Variants in FIP1L1 observed in about 807,000 individuals in gnomAD.
The protein encoded by FIP1L1 is pre-mRNA 3'-end-processing factor FIP1.
Under a neutral mutation model 84.6 loss-of-function variants are expected in FIP1L1, and 21 were observed. The observed-to-expected ratio is 0.25, with a 90% confidence interval of 0.18 to 0.36. The LOEUF (loss-of-function observed/expected upper bound fraction) is 0.36, where lower values mean the gene tolerates loss of function less well. FIP1L1 is among the 10% of genes least tolerant of loss of function. The probability of loss-of-function intolerance (pLI) is 1.00; values close to 1 mark genes in which losing one functional copy is unlikely to be tolerated. For synonymous variants in FIP1L1, 263 were observed against 242.3 expected, an observed-to-expected ratio of 1.09 and a Z score of -0.80; for missense variants, 526 against 751.1, an observed-to-expected ratio of 0.70 and a Z score of 3.50.
At chr4:53,396,444 CA>C (rs1404259908) in intron 9 of FIP1L1, among the ~76,000 whole-genome samples, 1 of 151,936 alleles carries the variant, frequency 6.6e-6, no homozygotes, top group African/African-American at 2.4e-5. Context: ...CTCTGTCACC[CA>C]GGCTAGATAG....
At chr4:53,385,877 C>T (rs1740752161) in intron 5 of FIP1L1, among the ~76,000 whole-genome samples, 1 of 152,062 alleles carries the variant, frequency 6.6e-6, no homozygotes, top group Admixed American at 6.6e-5. Context: ...TGTTTAACCT[C>T]TATATTTCAA....
chr4:53,425,006 G>A (rs1763765233), intron 11 of FIP1L1, among the ~76,000 whole-genome samples: 1 of 151,990 alleles, frequency 6.6e-6, no homozygotes. Context: ...AGTGACTGTG[G>A]AAGGATCTAT....
intron 9 of FIP1L1, among the ~76,000 whole-genome samples, chr4:53,396,263 A>C (rs1406264279): frequency 2.6e-5 from 4 of 152,148 alleles, no homozygotes; most frequent in Admixed American, 1.3e-4. Context: ...CTTTTAAAGG[A>C]ATTATCTATA....
At chr4:53,395,688 C>T (rs1746849576) in intron 9 of FIP1L1, among the ~76,000 whole-genome samples, 1 of 152,086 alleles carries the variant, frequency 6.6e-6, no homozygotes, top group African/African-American at 2.4e-5. Flanking sequence ...TTATTGCATG[C>T]CAGGTACTGT....
At chr4:53,436,143 A>G (rs189282997) in intron 13 of FIP1L1, among the ~76,000 whole-genome samples, 63 of 152,310 alleles carry the variant, frequency 4.1e-4, no homozygotes, top group African/African-American at 1.5e-3. Flanking sequence ...ATAGATGGTT[A>G]TTGCATGTAT....
chr4:53,402,888 A>G (rs1751033199), intron 10 of FIP1L1, among the ~76,000 whole-genome samples: 1 of 152,214 alleles, frequency 6.6e-6, no homozygotes, highest in Non-Finnish European at 1.5e-5. Context: ...TAAGAACAGT[A>G]ACGAAGGCAG....
At chr4:53,444,169 G>T in intron 15 of FIP1L1, 66 bp downstream of exon 15, 1 of 1,079,272 alleles carries the variant, frequency 9.3e-7, no homozygotes, top group Non-Finnish European at 1.4e-6. Flanking sequence ...TATTTTTAAA[G>T]CAATAAAAAC....
At chr4:53,379,042 T>C (rs762783888) in intron 1 of FIP1L1, 31 bp from the exon 2 acceptor site, 3 of 1,604,710 alleles carry the variant, frequency 1.9e-6, no homozygotes, top group Non-Finnish European at 2.6e-6. Context: ...TAAGTAATTA[T>C]AAGGTGATCT....
chr4:53,397,265 C>T (rs1747880397), intron 9 of FIP1L1, among the ~76,000 whole-genome samples: 1 of 152,156 alleles, frequency 6.6e-6, no homozygotes, highest in African/African-American at 2.4e-5. Context: ...ACACTATTGC[C>T]ATAATGAGAT....
intron 10 of FIP1L1, among the ~76,000 whole-genome samples, chr4:53,404,157 C>T (rs1398675335): frequency 9.8e-6 from 1 of 102,302 alleles, no homozygotes; most frequent in Non-Finnish European, 1.9e-5. Flanking sequence ...CTATCCCTCC[C>T]CCCTCCCCCC....
At position 53,379,344 on chromosome 4, in the gene FIP1L1, T is replaced by G. The variant is rs1408180348; in HGVS notation, c.170+80T>G. ...CTGTCAGTTGTCAAAATTATTTTCTTACAATCATTGGCTTCATTACAACAC... is the reference window on the plus strand; with the variant it reads ...CTGTCAGTTGTCAAAATTATTTTCTGACAATCATTGGCTTCATTACAACAC... On this transcript the variant is annotated intron_variant, in intron 3 of 17. Coordinates refer to ENST00000337488, the MANE Select transcript of FIP1L1 (RefSeq NM_030917.4). 7.3e-6 allele frequency: 9 copies of G among 1,231,280 alleles called. 1 individual carries two copies. The Admixed American group carries it at 2.1e-4, about 29-fold the overall frequency. 76.3% of individuals were successfully genotyped at this position (1,231,280 alleles called of 1,614,324 possible). A position where few individuals can be genotyped will look rare whatever the true frequency, so the allele number is the denominator to read the frequency against.
chr4:53,428,383 TAAG>T (rs1186352913), intron 13 of FIP1L1, among the ~76,000 whole-genome samples, 200 bp downstream of exon 13: 9 of 152,208 alleles, frequency 5.9e-5, no homozygotes, highest in African/African-American at 1.7e-4. Flanking sequence ...GTTCTAAAAT[TAAG>T]AAGAATATAC....
intron 7 of FIP1L1, 75 bp from the exon 8 acceptor site, chr4:53,390,934 A>T: frequency 8.5e-7 from 1 of 1,176,436 alleles, no homozygotes; most frequent in South Asian, 1.8e-5. Context: ...ATATTTTTAT[A>T]GTTTAGTATA....
chr4:53,381,771 T>TTTTTTTG, intron 3 of FIP1L1, among the ~76,000 whole-genome samples: 1 of 114,074 alleles, frequency 8.8e-6, no homozygotes, highest in Non-Finnish European at 2.0e-5. Context: ...TTTTTTTTTT[T>TTTTTTTG]TTTTTTGAGA....
rs1037996671 is a variant in FIP1L1 at position 53,459,896 on chromosome 4, C to G, written c.*447C>G. The stretch of plus-strand genomic sequence containing the variant: ...TCTTTATCATTACTGCTGTGACACT[C>G]TTGCTTAGTATATTAAGAGACTCAT... On this transcript the variant is annotated 3_prime_UTR_variant, in exon 18 of 18. Transcript: ENST00000337488. 8.7e-6 allele frequency: 2 copies of G among 229,506 alleles called. No individual in the cohort carries two copies. The highest frequency in any genetic ancestry group is 2.2e-5 in the African/African-American group (1 of 44,746). 14.2% of individuals were successfully genotyped at this position (229,506 alleles called of 1,614,324 possible).
intron 10 of FIP1L1, among the ~76,000 whole-genome samples, chr4:53,413,111 A>T (rs1757913482): frequency 6.6e-6 from 1 of 151,476 alleles, no homozygotes; most frequent in Non-Finnish European, 1.5e-5. Flanking sequence ...TGAACATCAG[A>T]TTGTTCCTCT....
chr4:53,420,718 AG>A lies in FIP1L1; in HGVS notation c.924-5152del, dbSNP rs145715168. Reference sequence around the variant, plus strand: ...GCTTGTGGAAGTAAAACGTACACACAGGTATAGAAACAGTACCATTTCAGAC... The same window carrying A: ...GCTTGTGGAAGTAAAACGTACACACAGTATAGAAACAGTACCATTTCAGAC... On this transcript the variant is annotated intron_variant, in intron 11 of 17. Coordinates refer to ENST00000337488, the MANE Select transcript of FIP1L1 (RefSeq NM_030917.4). Among the ~76,000 whole-genome samples the A allele has an allele frequency of 8.8e-3, 1,338 of 152,260 alleles. 22 individuals carry two copies. The highest frequency in any genetic ancestry group is 0.03 in the African/African-American group (1,262 of 41,534).
At chr4:53,417,891 T>G (rs74756817) in intron 11 of FIP1L1, among the ~76,000 whole-genome samples, 16,689 of 151,966 alleles carry the variant, frequency 0.11, 1,064 homozygotes, top group East Asian at 0.16. Context: ...AAAAACTAGA[T>G]TCCTGCTCTT....
chr4:53,443,069 A>C (rs1225968057), intron 14 of FIP1L1, among the ~76,000 whole-genome samples: 1 of 152,118 alleles, frequency 6.6e-6, no homozygotes, highest in East Asian at 1.9e-4. Context: ...TAAAGTAGGG[A>C]AAACTATTAT....
Sources: allele counts gnomAD v4.1 joint callset (sites outside exome capture counted in the v4.1 genomes callset), GRCh38; gene constraint gnomAD v4.1.1; transcripts MANE v1.5; gene names NCBI Gene and HGNC (gene_info 2026-07-23, HGNC 2026-07-21).